Variants in SNX5 observed in about 807,000 individuals in gnomAD.
SNX5 encodes the protein sorting nexin 5, also known as sorting nexin-5.
Under a neutral mutation model 53.9 loss-of-function variants are expected in SNX5, and 31 were observed. That is an observed-to-expected ratio of 0.58 (90% confidence interval 0.43 to 0.78). The LOEUF (loss-of-function observed/expected upper bound fraction) is 0.78, where lower values mean the gene tolerates loss of function less well. Ranked by LOEUF, SNX5 falls within the 30% of genes least tolerant of loss-of-function variation. The pLI is 0.00. For missense variants in SNX5, 471 were observed against 478.8 expected, an observed-to-expected ratio of 0.98 and a Z score of 0.15; for synonymous variants, 168 against 171.1, an observed-to-expected ratio of 0.98 and a Z score of 0.14.
rs1259439663 is a variant in SNX5, at chr20:17,952,663, A to C, written c.437T>G (p.Phe146Cys). Reference sequence around the variant, plus strand: ...AGGGTGAGAAGAAAGCCGCTGAAGAAAGACTTCATGGGAGGACACAGTCTT... The same window carrying C: ...AGGGTGAGAAGAAAGCCGCTGAAGACAGACTTCATGGGAGGACACAGTCTT... ...FKKTVSSHEV[F>C]LQRLSSHPVL... Residue 146 changes from phenylalanine to cysteine, a missense_variant, in exon 5 of 13, where the codon TTT becomes TGT. Transcript: ENST00000377759. 5 of 1,614,040 alleles carry C rather than the reference A, an allele frequency of 3.1e-6. No homozygotes were observed. Among genetic ancestry groups the C allele is most frequent in the Non-Finnish European group, 4.2e-6 (5 of 1,180,022 alleles).
chr20:17,956,699 AAAAAAC>A (rs1428780470), intron 2 of SNX5, among the ~76,000 whole-genome samples: 72 of 119,806 alleles, frequency 6.0e-4, no homozygotes, highest in Middle Eastern at 4.5e-3. Flanking sequence ...AAAAAAAAAA[AAAAAAC>A]AAAAAAACAA....
At chr20:17,957,128 C>T (rs1435049692) in intron 1 of SNX5, 91 bp from the exon 2 acceptor site, 2 of 782,852 alleles carry the variant, frequency 2.6e-6, no homozygotes, top group Non-Finnish European at 4.6e-6. Flanking sequence ...GCAGTTTATA[C>T]ATAGATCATT....
intron 12 of SNX5, chr20:17,942,893 A>C (rs1282969589): frequency 1.0e-5 from 4 of 401,876 alleles, no homozygotes; most frequent in Non-Finnish European, 1.7e-5. Flanking sequence ...CCCCATCTCT[A>C]TTAAAAAAAA....
Position 17,952,700 on chromosome 20 carries a change from C to A in SNX5, c.400G>T (p.Ala134Ser). Residue 134 changes from alanine (A) to serine (S), a missense_variant, in exon 5 of 13, where the codon GCT becomes TCT. Coordinates refer to ENST00000377759, the MANE Select transcript of SNX5 (RefSeq NM_014426.4). ...MKQELEAEYL[A>S]VFKKTVSSHE... ...GAGGACACAGTCTTCTTAAACACAG[C>A]GAGATACTCACTGAAAAGAGATGTG... 1 of 1,612,894 alleles carries A rather than the reference C, an allele frequency of 6.2e-7. No individual in the cohort carries two copies. The highest frequency in any genetic ancestry group is 8.5e-7 in the Non-Finnish European group (1 of 1,179,566).
chr20:17,955,332 G>A lies in SNX5; in HGVS notation c.267+33C>T, dbSNP rs202012295. ...AAACTAATGCATAGCAAGGCAGAAA[G>A]AACTAGCTTATTTGATTTTCTAAAA... On this transcript the variant is annotated intron_variant, in intron 3 of 12. Coordinates refer to ENST00000377759, the MANE Select transcript of SNX5 (RefSeq NM_014426.4). The A allele has an allele frequency of 1.0e-3, 1,552 of 1,493,906 alleles. 7 individuals carry two copies. Among genetic ancestry groups the A allele is most frequent in the African/African-American group, 9.3e-3 (676 of 72,366 alleles). The allele number at this position is 1,493,906 out of a possible 1,614,324, so 92.5% of individuals were successfully genotyped here.
At position 17,942,895 on chromosome 20, in the gene SNX5, TAAA is replaced by T. The variant is rs11334169; in HGVS notation, c.1164+212_1164+214del. 3,048 of 338,848 alleles carry T rather than the reference TAAA, an allele frequency of 9.0e-3. 22 individuals carry two copies. The highest frequency in any genetic ancestry group is 0.037 in the African/African-American group (1,518 of 41,126). The allele number at this position is 338,848 out of a possible 1,614,324, so 21.0% of individuals were successfully genotyped here. On this transcript the variant is annotated intron_variant, in intron 12 of 12. Transcript: ENST00000377759. ...CAAAATGGTGAAACCCCATCTCTAT[TAAA>T]AAAAAAAAAAAAAAGTTGCTAAAAA...
chr20:17,947,312 G>C (rs2039499230), intron 11 of SNX5, 174 bp downstream of exon 11: 1 of 628,998 alleles, frequency 1.6e-6, no homozygotes, highest in Admixed American at 3.3e-5. Context: ...TGTAACGTTT[G>C]TAAGCACGCA....
chr20:17,950,105 G>T, intron 8 of SNX5, 27 bp downstream of exon 8: 1 of 1,601,778 alleles, frequency 6.2e-7, no homozygotes. Context: ...ATTGGGTTAG[G>T]GGAAATGCTT....
chr20:17,962,797 G>A (rs775618507), intron 1 of SNX5: 1 of 519,210 alleles, frequency 1.9e-6, no homozygotes, highest in Non-Finnish European at 3.8e-6. Context: ...CCGGTAGCCT[G>A]CCAACACACA....
At chr20:17,955,307 A>T in intron 3 of SNX5, 58 bp downstream of exon 3, 1 of 1,253,202 alleles carries the variant, frequency 8.0e-7, no homozygotes, top group African/African-American at 1.5e-5. Flanking sequence ...AGTCTCTTTT[A>T]AACTAATGCA....
In SNX5 at chr20:17,955,289, T is replaced by G. The variant is rs2035334104; in HGVS notation, c.267+76A>C. 6 of 970,268 alleles carry G rather than the reference T, an allele frequency of 6.2e-6. No individual in the cohort carries two copies. The African/African-American group carries it at 9.9e-5, about 16-fold the overall frequency. 60.1% of individuals were successfully genotyped at this position (970,268 alleles called of 1,614,324 possible). ...ACTTTTCACAATCCATTAAAAAAAG[T>G]GGATATAAGTCTCTTTTAAACTAAT... On this transcript the variant is annotated intron_variant, in intron 3 of 12. Coordinates refer to ENST00000377759, the MANE Select transcript of SNX5 (RefSeq NM_014426.4).
chr20:17,954,199 T>A, intron 3 of SNX5, 82 bp from the exon 4 acceptor site: 2 of 1,569,546 alleles, frequency 1.3e-6, no homozygotes, highest in Non-Finnish European at 1.7e-6. Flanking sequence ...CTCTTGCTGG[T>A]CCACAGGAGA....
intron 2 of SNX5, among the ~76,000 whole-genome samples, chr20:17,956,673 CAAAAAAAAAAAAA>C (rs59252584): frequency 0.29 from 24,698 of 84,840 alleles, 2,580 homozygotes; most frequent in South Asian, 0.48. Context: ...AGACTGTCTC[CAAAAAAAAAAAAA>C]AAAAAAAAAA....
intron 1 of SNX5, chr20:17,962,716 A>G (rs1236069165): frequency 7.7e-6 from 4 of 518,802 alleles, no homozygotes; most frequent in Non-Finnish European, 1.5e-5. Context: ...GCAAGTGATC[A>G]GATTTTCACC....
At position 17,956,270 on chromosome 20, in the gene SNX5, T is replaced by C. The variant is rs530455132; in HGVS notation, c.156+663A>G. Among the ~76,000 whole-genome samples, 8 of 152,370 alleles carry C rather than the reference T, an allele frequency of 5.3e-5. No individual in the cohort carries two copies. In the South Asian group the frequency reaches 1.4e-3, roughly 28 times the overall value. On this transcript the variant is annotated intron_variant, in intron 2 of 12. Transcript: ENST00000377759. ...TCTGGTAAGCTCAGGCAGAGAATTA[T>C]GTCACCAGTCTTTTTACACTACCTC...
chr20:17,947,405 T>C, intron 11 of SNX5, 81 bp downstream of exon 11: 1 of 1,503,544 alleles, frequency 6.7e-7, no homozygotes, highest in Middle Eastern at 1.8e-4. Flanking sequence ...ACATGGGTGT[T>C]TTTTGCACTA....
intron 3 of SNX5, chr20:17,954,329 T>C (rs555278328): frequency 3.0e-5 from 17 of 575,714 alleles, no homozygotes; most frequent in Admixed American, 1.8e-4. Context: ...TTCACTTTGA[T>C]GGCAATCATT....
chr20:17,968,694 G>GCCTA lies in SNX5; in HGVS notation c.-273_-270dup, dbSNP rs2035622079. The GCCTA allele has an allele frequency of 1.8e-6, 1 of 555,072 alleles. No homozygotes were observed. The highest frequency in any genetic ancestry group is 3.3e-6 in the Non-Finnish European group (1 of 305,798). The allele number at this position is 555,072 out of a possible 1,614,324, so 34.4% of individuals were successfully genotyped here. A position where few individuals can be genotyped will look rare whatever the true frequency, so the allele number is the denominator to read the frequency against. On this transcript the variant is annotated 5_prime_UTR_variant, in exon 1 of 13. Transcript: ENST00000377759. ...GAGCCGGGCAAAGACGCCACGTGGG[G>GCCTA]CCTACCCTTGCTCCGCTCCACGAGG...
chr20:17,947,059 G>C (rs6080912), intron 11 of SNX5: 1,648 of 155,370 alleles, frequency 0.011, 31 homozygotes, highest in African/African-American at 0.038. Context: ...CAGAGTAAAG[G>C]AGACTAATAG....
Sources: gnomAD v4.1 joint callset for allele counts (sites outside exome capture counted in the v4.1 genomes callset) on GRCh38, gnomAD v4.1.1 for gene constraint, MANE v1.5 for transcripts, NCBI Gene and HGNC (gene_info 2026-07-23, HGNC 2026-07-21) for gene names.